The following GRIN2B variants were observed in gnomAD, a reference collection of about 807,000 sequenced individuals.
GRIN2B encodes glutamate receptor ionotropic, NMDA 2B.
In GRIN2B, 5 loss-of-function variants were observed where a neutral mutation model predicts 114.5. That is an observed-to-expected ratio of 0.04 (90% CI 0.02 to 0.09). The LOEUF is 0.09. Ranked by LOEUF, GRIN2B falls within the 10% of genes least tolerant of loss-of-function variation. GRIN2B has a pLI of 1.00. For missense variants in GRIN2B, 1,108 were observed against 1,943.5 expected, an observed-to-expected ratio of 0.57 and a Z score of 8.08; for synonymous variants, 787 against 745.1, an observed-to-expected ratio of 1.06 and a Z score of -0.92.
At chr12:13,751,707 A>G (rs1402174058) in intron 4 of GRIN2B, among the ~76,000 whole-genome samples, 2 of 152,192 alleles carry the variant, frequency 1.3e-5, no homozygotes, top group Non-Finnish European at 2.9e-5. Context: ...CATGGAATCC[A>G]AAGAAACATA....
At chr12:13,706,234 A>G (rs1950358837) in intron 4 of GRIN2B, among the ~76,000 whole-genome samples, 1 of 152,112 alleles carries the variant, frequency 6.6e-6, no homozygotes, top group Non-Finnish European at 1.5e-5. Flanking sequence ...TGGAACTGGC[A>G]AAACACTGAG....
intron 3 of GRIN2B, among the ~76,000 whole-genome samples, chr12:13,857,142 TTAA>T (rs1292829349): frequency 6.6e-6 from 1 of 152,048 alleles, no homozygotes; most frequent in Non-Finnish European, 1.5e-5. Flanking sequence ...AGACTACCCT[TTAA>T]GGAGCTGAAC....
At chr12:13,873,997 A>C (rs138525422) in intron 2 of GRIN2B, among the ~76,000 whole-genome samples, 116 of 152,316 alleles carry the variant, frequency 7.6e-4, no homozygotes, top group African/African-American at 2.7e-3. Flanking sequence ...TGATTATCCA[A>C]ATCTCTGAGC....
intron 2 of GRIN2B, among the ~76,000 whole-genome samples, chr12:13,912,613 A>G (rs1183895308): frequency 6.6e-6 from 1 of 152,204 alleles, no homozygotes; most frequent in South Asian, 2.1e-4. Context: ...GAAGTGTCCC[A>G]TGCACAAGAG....
chr12:13,817,246 G>C (rs189848204), intron 3 of GRIN2B, among the ~76,000 whole-genome samples: 30 of 152,298 alleles, frequency 2.0e-4, no homozygotes, highest in South Asian at 1.2e-3. Context: ...TGTCTCCAAG[G>C]GGGTAAATGA....
At position 13,698,344 on chromosome 12, in the gene GRIN2B, GT is replaced by G. The variant is rs1950280222; in HGVS notation, c.1011-22486del. Reference sequence around the variant, plus strand: ...AGAGCCCCTATAGAAAAGCAAGACAGTAGGGAATTTCTCAAAATGTTCCTTT... The same window carrying G: ...AGAGCCCCTATAGAAAAGCAAGACAGAGGGAATTTCTCAAAATGTTCCTTT... On this transcript the variant is annotated intron_variant, in intron 4 of 13. Transcript: ENST00000609686. Among the ~76,000 whole-genome samples, 3 of 152,338 alleles carry G rather than the reference GT, an allele frequency of 2.0e-5. No individual in the cohort carries two copies. The South Asian group carries it at 6.2e-4, about 32-fold the overall frequency.
At chr12:13,814,215 G>A (rs773467594) in intron 3 of GRIN2B, among the ~76,000 whole-genome samples, 1 of 152,184 alleles carries the variant, frequency 6.6e-6, no homozygotes, top group Non-Finnish European at 1.5e-5. Flanking sequence ...AGATGTGAAG[G>A]CTGGCAAAGG....
intron 3 of GRIN2B, among the ~76,000 whole-genome samples, chr12:13,779,846 C>T (rs900152289): frequency 1.3e-5 from 2 of 152,190 alleles, no homozygotes; most frequent in African/African-American, 4.8e-5. Context: ...GTTGCCCCAT[C>T]TGTCAAACGG....
At chr12:13,826,742 G>T (rs2136698686) in intron 3 of GRIN2B, among the ~76,000 whole-genome samples, 1 of 152,044 alleles carries the variant, frequency 6.6e-6, no homozygotes, top group East Asian at 1.9e-4. Context: ...TACATGGCTA[G>T]TTATTTTTTC....
At chr12:13,808,267 C>A (rs1429433503) in intron 3 of GRIN2B, among the ~76,000 whole-genome samples, 1 of 152,102 alleles carries the variant, frequency 6.6e-6, no homozygotes, top group Non-Finnish European at 1.5e-5. Context: ...GCTTCTAGGG[C>A]CACTTTGAGT....
At chr12:13,736,725 T>C (rs1264494599) in intron 4 of GRIN2B, among the ~76,000 whole-genome samples, 1 of 152,094 alleles carries the variant, frequency 6.6e-6, no homozygotes. Context: ...CAGGTCAATA[T>C]TAGAACATGC....
At chr12:13,680,942 A>T (rs1408961953) in intron 4 of GRIN2B, among the ~76,000 whole-genome samples, 1 of 152,100 alleles carries the variant, frequency 6.6e-6, no homozygotes, top group East Asian at 1.9e-4. Flanking sequence ...GAGCCAATAC[A>T]TTTGCTTTAT....
chr12:13,706,018 A>G (rs1449959657), intron 4 of GRIN2B, among the ~76,000 whole-genome samples: 1 of 152,160 alleles, frequency 6.6e-6, no homozygotes, highest in Non-Finnish European at 1.5e-5. Flanking sequence ...CTCCCGGCTG[A>G]TTAATTAGTA....
Position 13,834,778 on chromosome 12 carries a change from G to A in GRIN2B, c.411+31020C>T, listed in dbSNP as rs1355244199. Among the ~76,000 whole-genome samples, 3 of 152,182 alleles carry A rather than the reference G, an allele frequency of 2.0e-5. No homozygotes were observed. The East Asian group carries it at 5.8e-4, about 29-fold the overall frequency. On this transcript the variant is annotated intron_variant, in intron 3 of 13. Coordinates refer to ENST00000609686, the MANE Select transcript of GRIN2B (RefSeq NM_000834.5). ...AAGCCATGATTTCTGTCTTCCAAAA[G>A]CAATCACCATCTAAGCCAGTAAATC...
At chr12:13,979,528 G>GA (rs201870750) in intron 2 of GRIN2B, among the ~76,000 whole-genome samples, 3,036 of 101,714 alleles carry the variant, frequency 0.03, 41 homozygotes, top group African/African-American at 0.042. Flanking sequence ...AAGCCAACCT[G>GA]AAAAAAAAAA....
intron 3 of GRIN2B, among the ~76,000 whole-genome samples, chr12:13,779,803 T>A (rs1864073680): frequency 6.6e-6 from 1 of 152,190 alleles, no homozygotes; most frequent in African/African-American, 2.4e-5. Context: ...TCTTAGCTGC[T>A]CAAGCTCGGG....
chr12:13,778,924 C>A (rs1864054566), intron 3 of GRIN2B, among the ~76,000 whole-genome samples: 1 of 34,872 alleles, frequency 2.9e-5, no homozygotes, highest in South Asian at 1.2e-3. Context: ...AGAAATTAAC[C>A]CCTTCAAATG....
rs138735813 is a variant in GRIN2B, at chr12:13,953,938, T to G, written c.-19+25990A>C. ...TCACTGAATAATAATATACACAGACTAGGGATAAAAACCCCCAAATGTTTT... is the reference window on the plus strand; with the variant it reads ...TCACTGAATAATAATATACACAGACGAGGGATAAAAACCCCCAAATGTTTT... On this transcript the variant is annotated intron_variant, in intron 2 of 13. Coordinates refer to ENST00000609686, the MANE Select transcript of GRIN2B (RefSeq NM_000834.5). Among the ~76,000 whole-genome samples, 180 of 152,318 alleles carry G rather than the reference T, an allele frequency of 1.2e-3. 1 individual carries two copies. The highest frequency in any genetic ancestry group is 2.0e-3 in the Non-Finnish European group (137 of 68,012).
intron 4 of GRIN2B, among the ~76,000 whole-genome samples, chr12:13,679,378 C>G (rs1449122951): frequency 6.6e-6 from 1 of 152,090 alleles, no homozygotes; most frequent in African/African-American, 2.4e-5. Flanking sequence ...GAAAATAAAT[C>G]ACACTCATGA....
Sources: allele counts gnomAD v4.1 joint callset (sites outside exome capture counted in the v4.1 genomes callset), GRCh38; gene constraint gnomAD v4.1.1; transcripts MANE v1.5; gene names NCBI Gene and HGNC (gene_info 2026-07-23, HGNC 2026-07-21).